Variants in AK5 observed in about 807,000 individuals in gnomAD.
AK5 encodes the protein adenylate kinase 5.
Under a neutral mutation model 69.5 loss-of-function variants are expected in AK5, and 27 were observed. The observed-to-expected ratio is 0.39, with a 90% CI of 0.29 to 0.54. The LOEUF is 0.54. Ranked by LOEUF, AK5 falls within the 20% of genes least tolerant of loss-of-function variation. AK5 has a pLI of 0.71. For synonymous variants in AK5, 260 were observed against 244.4 expected (o/e 1.06, Z -0.60); for missense variants, 531 against 700.4 (o/e 0.76, Z 2.73).
At chr1:77,504,139 A>G (rs927360575) in intron 10 of AK5, among the ~76,000 whole-genome samples, 2 of 152,146 alleles carry the variant, frequency 1.3e-5, no homozygotes, top group African/African-American at 4.8e-5. Context: ...CAGTCCTTAC[A>G]CTGCCTAGCG....
rs1660737731 is a variant in AK5 at position 77,325,167 on chromosome 1, T to TG, written c.700-15210_700-15209insG. On this transcript the variant is annotated intron_variant, in intron 5 of 13. Transcript: ENST00000354567. ...TAATTTTTGTAGGTTTTTTGTTTTT[T>TG]TTTTTTTTTGTATTTTGTATTTTTT... Among the ~76,000 whole-genome samples, 4 of 124,284 alleles carry TG rather than the reference T, an allele frequency of 3.2e-5. No individual in the cohort carries two copies. The South Asian group carries it at 1.1e-3, about 34-fold the overall frequency. The allele number at this position is 124,284 out of a possible 152,430, so 81.5% of individuals were successfully genotyped here. A position where few individuals can be genotyped will look rare whatever the true frequency, so the allele number is the denominator to read the frequency against.
intron 10 of AK5, among the ~76,000 whole-genome samples, chr1:77,486,621 C>A (rs1655615652): frequency 6.6e-6 from 1 of 151,718 alleles, no homozygotes; most frequent in Non-Finnish European, 1.5e-5. Flanking sequence ...TGGTGTGAAC[C>A]CGGGAGGCAG....
rs71075744 is a variant in AK5, at chr1:77,470,826, AATATATATATATATAT to A, written c.1060-12456_1060-12441del. On this transcript the variant is annotated intron_variant, in intron 8 of 13. Coordinates refer to ENST00000354567, the MANE Select transcript of AK5 (RefSeq NM_174858.3). The stretch of plus-strand genomic sequence containing the variant: ...TTTCTCATTTTAATGGCACATTTAG[AATATATATATATATAT>A]ATATATATATATATATATATATATA... Among the ~76,000 whole-genome samples the A allele has an allele frequency of 9.4e-3, 480 of 51,084 alleles. 9 individuals carry two copies. Among genetic ancestry groups the A allele is most frequent in the Middle Eastern group, 0.023 (2 of 86 alleles). 33.5% of individuals were successfully genotyped at this position (51,084 alleles called of 152,430 possible). A position where few individuals can be genotyped will look rare whatever the true frequency, so the allele number is the denominator to read the frequency against.
intron 6 of AK5, among the ~76,000 whole-genome samples, chr1:77,369,801 T>G (rs1305557583): frequency 6.6e-6 from 1 of 152,234 alleles, no homozygotes; most frequent in Non-Finnish European, 1.5e-5. Flanking sequence ...TTGAGTAGTT[T>G]CAAAAAGTGT....
At chr1:77,548,324 A>G (rs1219550276) in intron 13 of AK5, among the ~76,000 whole-genome samples, 4 of 152,136 alleles carry the variant, frequency 2.6e-5, no homozygotes, top group East Asian at 1.9e-4. Flanking sequence ...TGTGAACTGG[A>G]TGACCCCCAT....
chr1:77,318,893 T>C (rs1660381981), intron 5 of AK5, among the ~76,000 whole-genome samples: 1 of 152,204 alleles, frequency 6.6e-6, no homozygotes, highest in African/African-American at 2.4e-5. Flanking sequence ...GTTCATCATA[T>C]TGCTGTGTCA....
chr1:77,348,997 C>G (rs549049511), intron 6 of AK5, among the ~76,000 whole-genome samples: 1 of 152,188 alleles, frequency 6.6e-6, no homozygotes, highest in East Asian at 1.9e-4. Flanking sequence ...TAATCAATAT[C>G]TTTTAAAGAG....
chr1:77,295,025 GA>G lies in AK5; in HGVS notation c.415+1074del, dbSNP rs542529972. The stretch of plus-strand genomic sequence containing the variant: ...ACAGAGAGACCTCATCTCAAAAAAA[GA>G]AAAAAAAATTGTGGCTATTTTTGCA... On this transcript the variant is annotated intron_variant, in intron 3 of 13. Transcript: ENST00000354567. 5.6e-3 allele frequency among the ~76,000 whole-genome samples: 840 copies of G among 151,016 alleles called. 10 individuals are homozygous for G. Among genetic ancestry groups the G allele is most frequent in the African/African-American group, 0.019 (796 of 41,236 alleles).
At chr1:77,468,435 G>C (rs1360309737) in intron 8 of AK5, among the ~76,000 whole-genome samples, 2 of 152,164 alleles carry the variant, frequency 1.3e-5, no homozygotes, top group Non-Finnish European at 2.9e-5. Flanking sequence ...CACAACTGTA[G>C]AGCTGTACCT....
At chr1:77,361,109 T>C (rs1053545568) in intron 6 of AK5, among the ~76,000 whole-genome samples, 2 of 152,234 alleles carry the variant, frequency 1.3e-5, no homozygotes, top group African/African-American at 4.8e-5. Context: ...CTTGAGATGC[T>C]CTGGCTCTTC....
chr1:77,336,142 C>A (rs918015905), intron 5 of AK5, among the ~76,000 whole-genome samples: 1 of 140,770 alleles, frequency 7.1e-6, no homozygotes, highest in African/African-American at 2.7e-5. Flanking sequence ...AGTGCAGTGG[C>A]GCGATCTCAT....
chr1:77,522,051 T>C (rs1251844628), intron 12 of AK5, 108 bp downstream of exon 12: 1 of 856,880 alleles, frequency 1.2e-6, no homozygotes, highest in Non-Finnish European at 1.8e-6. Flanking sequence ...ATGAAAACTT[T>C]AAGGGGCAGA....
intron 12 of AK5, among the ~76,000 whole-genome samples, chr1:77,526,597 T>TC (rs1340601834): frequency 7.1e-6 from 1 of 140,120 alleles, no homozygotes; most frequent in Non-Finnish European, 1.5e-5. Context: ...TGCCTCAGCC[T>TC]CCCAAGTAGC....
At chr1:77,506,689 C>T (rs1657051853) in intron 10 of AK5, among the ~76,000 whole-genome samples, 1 of 151,974 alleles carries the variant, frequency 6.6e-6, no homozygotes, top group African/African-American at 2.4e-5. Context: ...AAATCACATC[C>T]CTAAAGTCTA....
intron 12 of AK5, among the ~76,000 whole-genome samples, chr1:77,526,776 GTCTT>G (rs1258978806): frequency 6.6e-6 from 1 of 150,476 alleles, no homozygotes; most frequent in Non-Finnish European, 1.5e-5. Flanking sequence ...GCCTGGCCAA[GTCTT>G]TTTTTTTTTT....
Position 77,559,802 on chromosome 1 carries a change from C to T in AK5, c.*1132C>T, listed in dbSNP as rs962158769. 1 of 151,696 alleles carries T rather than the reference C, an allele frequency of 6.6e-6. No homozygotes were observed. Among genetic ancestry groups the T allele is most frequent in the Non-Finnish European group, 1.5e-5 (1 of 67,966 alleles). The allele number at this position is 151,696 out of a possible 1,614,324, so 9.4% of individuals were successfully genotyped here. A position where few individuals can be genotyped will look rare whatever the true frequency, so the allele number is the denominator to read the frequency against. On this transcript the variant is annotated 3_prime_UTR_variant, in exon 14 of 14. Transcript: ENST00000354567. ...ATTCTACTGGAATAACTGCATCTTC[C>T]ACTCAGTCACTACAAAAAAGCATAG...
chr1:77,428,515 T>G (rs1480707099), intron 8 of AK5, among the ~76,000 whole-genome samples: 1 of 152,112 alleles, frequency 6.6e-6, no homozygotes, highest in African/African-American at 2.4e-5. Context: ...TTATTAGGCT[T>G]ATTTGTACCT....
intron 6 of AK5, among the ~76,000 whole-genome samples, chr1:77,404,864 C>T (rs1649512737): frequency 2.6e-5 from 4 of 152,180 alleles, no homozygotes. Context: ...TCAACAAATA[C>T]TTGTTAAATG....
At chr1:77,520,781 A>G (rs1016586669) in intron 11 of AK5, among the ~76,000 whole-genome samples, 2 of 152,192 alleles carry the variant, frequency 1.3e-5, no homozygotes, top group Non-Finnish European at 2.9e-5. Flanking sequence ...TTGTTCATCT[A>G]TGGTCTGTCT....
Sources: gnomAD v4.1 joint callset for allele counts (sites outside exome capture counted in the v4.1 genomes callset) on GRCh38, gnomAD v4.1.1 for gene constraint, MANE v1.5 for transcripts, NCBI Gene and HGNC (gene_info 2026-07-23, HGNC 2026-07-21) for gene names.